Variants in THADA observed in about 807,000 individuals in gnomAD.
THADA encodes THADA armadillo repeat containing.
In THADA, 213 loss-of-function variants were observed where a neutral mutation model predicts 219.8. The ratio of observed to expected loss-of-function variants is 0.97; its 90% CI spans 0.87 to 1.09. THADA has a LOEUF of 1.09. Ranked by LOEUF, THADA falls within the 50% of genes least tolerant of loss-of-function variation. THADA has a pLI of 0.00. For synonymous variants in THADA, 1,018 were observed against 828.9 expected (o/e 1.23, Z -3.92); for missense variants, 2,956 against 2,311.3 (o/e 1.28, Z -5.72).
At chr2:43,475,226 G>C (rs183045291) in intron 26 of THADA, among the ~76,000 whole-genome samples, 1 of 152,162 alleles carries the variant, frequency 6.6e-6, no homozygotes, top group Non-Finnish European at 1.5e-5. Flanking sequence ...AGACCAGCCT[G>C]GGCAAATGGC....
At chr2:43,296,823 C>G (rs1325847893) in intron 31 of THADA, among the ~76,000 whole-genome samples, 2 of 152,150 alleles carry the variant, frequency 1.3e-5, no homozygotes, top group African/African-American at 4.8e-5. Context: ...GAAATCTGCT[C>G]TTAAAATTGT....
intron 14 of THADA, among the ~76,000 whole-genome samples, chr2:43,568,043 A>G (rs1698888063): frequency 6.6e-6 from 1 of 151,910 alleles, no homozygotes; most frequent in African/African-American, 2.4e-5. Flanking sequence ...GGGGGAGAAA[A>G]TACTGAGATT....
At chr2:43,232,049 C>T (rs1304853240) in intron 37 of THADA, among the ~76,000 whole-genome samples, 3 of 152,204 alleles carry the variant, frequency 2.0e-5, no homozygotes, top group African/African-American at 4.8e-5. Context: ...CAGCAAAGAT[C>T]CTAATTCTCT....
At chr2:43,487,945 C>G (rs961113363) in intron 25 of THADA, among the ~76,000 whole-genome samples, 1 of 152,158 alleles carries the variant, frequency 6.6e-6, no homozygotes, top group East Asian at 1.9e-4. Context: ...ATTACATTTT[C>G]CATTAGGTGC....
At position 43,408,583 on chromosome 2, in the gene THADA, G is replaced by A. The variant is rs140975054; in HGVS notation, c.4059-10444C>T. Among the ~76,000 whole-genome samples, 316 of 152,270 alleles carry A rather than the reference G, an allele frequency of 2.1e-3. 1 individual carries two copies. The highest frequency in any genetic ancestry group is 7.4e-3 in the African/African-American group (308 of 41,540). On this transcript the variant is annotated intron_variant, in intron 28 of 37. Transcript: ENST00000405975. Reference sequence around the variant, plus strand: ...GAAGCACTTACATGGTTTCCTTCGAGTCTCTTACGCAAGGCTACTTTTAAG... The same window carrying A: ...GAAGCACTTACATGGTTTCCTTCGAATCTCTTACGCAAGGCTACTTTTAAG...
At chr2:43,559,709 G>A (rs546061853) in intron 16 of THADA, among the ~76,000 whole-genome samples, 6 of 152,312 alleles carry the variant, frequency 3.9e-5, no homozygotes, top group African/African-American at 1.2e-4. Context: ...GAGGGGCTGG[G>A]GATGAGGTAG....
At chr2:43,335,086 G>A (rs1282216378) in intron 30 of THADA, among the ~76,000 whole-genome samples, 1 of 152,166 alleles carries the variant, frequency 6.6e-6, no homozygotes, top group East Asian at 1.9e-4. Flanking sequence ...TTCAAGGTAC[G>A]TACTCTGTCC....
chr2:43,493,625 A>T (rs1303338216), intron 25 of THADA, among the ~76,000 whole-genome samples: 7 of 152,178 alleles, frequency 4.6e-5, no homozygotes, highest in African/African-American at 1.7e-4. Flanking sequence ...GCAAGGAAAG[A>T]AGATCAGGCC....
intron 26 of THADA, among the ~76,000 whole-genome samples, chr2:43,448,964 G>C (rs189246719): frequency 3.0e-4 from 45 of 152,172 alleles, no homozygotes; most frequent in East Asian, 2.4e-3. Flanking sequence ...CAATTCAAAG[G>C]GGGGGCGGGG....
chr2:43,407,193 A>G (rs746452153), intron 28 of THADA, among the ~76,000 whole-genome samples: 1 of 152,162 alleles, frequency 6.6e-6, no homozygotes, highest in Non-Finnish European at 1.5e-5. Flanking sequence ...AGAGCAAGAG[A>G]TTCCATATTT....
chr2:43,504,720 C>A (rs1689436147), intron 24 of THADA, among the ~76,000 whole-genome samples: 1 of 152,060 alleles, frequency 6.6e-6, no homozygotes, highest in African/African-American at 2.4e-5. Context: ...GTCTCAAACT[C>A]CTGACCTCAG....
At chr2:43,538,357 CCTCTT>C (rs1234418720) in intron 21 of THADA, 5 of 152,162 alleles carry the variant, frequency 3.3e-5, no homozygotes, top group Non-Finnish European at 7.3e-5. Flanking sequence ...TTTATCTCTG[CCTCTT>C]GTACAGGAAC....
chr2:43,509,809 A>G (rs1690163372), intron 22 of THADA, among the ~76,000 whole-genome samples: 1 of 152,214 alleles, frequency 6.6e-6, no homozygotes, highest in African/African-American at 2.4e-5. Context: ...GGGCCTAAAA[A>G]TATTATTTCA....
At chr2:43,294,685 A>G (rs1377305340) in intron 31 of THADA, among the ~76,000 whole-genome samples, 2 of 152,176 alleles carry the variant, frequency 1.3e-5, no homozygotes, top group East Asian at 1.9e-4. Flanking sequence ...AGGAGGCAAT[A>G]TTAGAGGCAG....
At chr2:43,484,961 A>AC (rs1686723607) in intron 26 of THADA, among the ~76,000 whole-genome samples, 1 of 151,892 alleles carries the variant, frequency 6.6e-6, no homozygotes, top group African/African-American at 2.4e-5. Flanking sequence ...AAACAAAAAA[A>AC]ACACTAGCTT....
chr2:43,488,516 T>G (rs954578418), intron 25 of THADA, among the ~76,000 whole-genome samples: 2 of 152,192 alleles, frequency 1.3e-5, no homozygotes, highest in African/African-American at 4.8e-5. Context: ...AGTATGTTAT[T>G]CCTTTTTTAT....
intron 27 of THADA, 126 bp from the exon 28 acceptor site, chr2:43,428,357 C>G: frequency 2.2e-6 from 2 of 928,396 alleles, no homozygotes; most frequent in Non-Finnish European, 3.1e-6. Context: ...CCTGTAATCC[C>G]AGCACTTTGG....
chr2:43,400,215 G>A (rs1674629131), intron 28 of THADA, among the ~76,000 whole-genome samples: 1 of 152,088 alleles, frequency 6.6e-6, no homozygotes, highest in South Asian at 2.1e-4. Flanking sequence ...CAAGAGGAAG[G>A]ATGGAAAGGG....
Position 43,440,603 on chromosome 2 carries a change from G to C in THADA, c.3837-10301C>G, listed in dbSNP as rs532536396. ...AAGTCACTTAAAGGTAAATCTTTGAGTTTAGTATTGGGATCCCTGAGTATA... is the reference window on the plus strand; with the variant it reads ...AAGTCACTTAAAGGTAAATCTTTGACTTTAGTATTGGGATCCCTGAGTATA... On this transcript the variant is annotated intron_variant, in intron 26 of 37. Coordinates refer to ENST00000405975, the MANE Select transcript of THADA (RefSeq NM_022065.5). Among the ~76,000 whole-genome samples the C allele has an allele frequency of 7.9e-5, 12 of 152,250 alleles. No individual in the cohort carries two copies. The East Asian group carries it at 2.3e-3, about 29-fold the overall frequency.
Sources: gnomAD v4.1 joint callset for allele counts (sites outside exome capture counted in the v4.1 genomes callset) on GRCh38, gnomAD v4.1.1 for gene constraint, MANE v1.5 for transcripts, NCBI Gene and HGNC (gene_info 2026-07-23, HGNC 2026-07-21) for gene names.